The following ZNF626 variants were observed in gnomAD, a reference collection of about 807,000 sequenced individuals.
The protein encoded by ZNF626 is CTC-513N18.7.
In ZNF626, 4 loss-of-function variants were observed where a neutral mutation model predicts 11.7. The ratio of observed to expected loss-of-function variants is 0.34; its 90% confidence interval spans 0.17 to 0.78. ZNF626 has a LOEUF of 0.78. ZNF626 is among the 30% of genes least tolerant of loss of function. ZNF626 has a pLI of 0.57. For synonymous variants in ZNF626, 179 were observed against 198.6 expected (o/e 0.90, Z 0.83); for missense variants, 588 against 587.1 (o/e 1.00, Z -0.01).
chr19:20,627,037 T>A (rs569169919), intron 3 of ZNF626, among the ~76,000 whole-genome samples: 216 of 151,150 alleles, frequency 1.4e-3, no homozygotes, highest in Non-Finnish European at 2.5e-3. Flanking sequence ...ACTAAATAAA[T>A]AAATTTGAAT....
At chr19:20,629,242 C>T (rs1478327411) in intron 3 of ZNF626, among the ~76,000 whole-genome samples, 2 of 149,680 alleles carry the variant, frequency 1.3e-5, no homozygotes, top group Admixed American at 1.3e-4. Flanking sequence ...ATTCTTTTGG[C>T]TTAGGATTGA....
At chr19:20,655,103 CT>C (rs1970190638) in intron 1 of ZNF626, among the ~76,000 whole-genome samples, 1 of 111,362 alleles carries the variant, frequency 9.0e-6, no homozygotes, top group Non-Finnish European at 1.7e-5. Context: ...CAGAGTGAGA[CT>C]GTCTCAAAAA....
rs1969742985 is a variant in ZNF626 at position 20,620,340 on chromosome 19, C to T, written c.*3950G>A. 6.6e-6 allele frequency: 1 copy of T among 151,996 alleles called. No homozygotes were observed. The highest frequency in any genetic ancestry group is 2.4e-5 in the African/African-American group (1 of 41,386). 9.4% of individuals were successfully genotyped at this position (151,996 alleles called of 1,614,324 possible). On this transcript the variant is annotated 3_prime_UTR_variant, in exon 4 of 4. Coordinates refer to ENST00000601440, the MANE Select transcript of ZNF626 (RefSeq NM_001076675.3). ...AATCACCTAAAAACTTATTTTGTTC[C>T]AATAATTGCGTTTTCTTCTGAAAAT...
intron 3 of ZNF626, among the ~76,000 whole-genome samples, chr19:20,627,872 G>A (rs1330332251): frequency 6.6e-6 from 1 of 152,120 alleles, no homozygotes; most frequent in Non-Finnish European, 1.5e-5. Context: ...TTGGTGTGTT[G>A]CACCCATTAA....
At chr19:20,660,910 T>C (rs1473950522) in intron 1 of ZNF626, among the ~76,000 whole-genome samples, 1 of 152,196 alleles carries the variant, frequency 6.6e-6, no homozygotes, top group Non-Finnish European at 1.5e-5. Context: ...TTACAACTTT[T>C]ACAACTTATG....
At chr19:20,651,430 A>T (rs1468066691) in intron 1 of ZNF626, among the ~76,000 whole-genome samples, 1 of 151,828 alleles carries the variant, frequency 6.6e-6, no homozygotes, top group Non-Finnish European at 1.5e-5. Context: ...CGGTCATATG[A>T]AATGGAAGCT....
At chr19:20,635,190 AAC>A (rs1199408309) in intron 3 of ZNF626, among the ~76,000 whole-genome samples, 2 of 152,206 alleles carry the variant, frequency 1.3e-5, no homozygotes, top group African/African-American at 2.4e-5. Context: ...AGAAACAGAA[AAC>A]AGAGTGGTGT....
chr19:20,646,294 T>G lies in ZNF626; in HGVS notation c.115A>C (p.Asn39His). ...TTATCCTCACCAAGGAAGACCAGGTTACTGTAGTTCTCTAACATCACATTC... is the reference window on the plus strand; with the variant it reads ...TTATCCTCACCAAGGAAGACCAGGTGACTGTAGTTCTCTAACATCACATTC... ...YRNVMLENYS[N>H]LVFLGITVSK... Residue 39 changes from asparagine to histidine, a missense_variant, in exon 2 of 4, where the codon AAC (asparagine) becomes CAC (histidine). Coordinates refer to ENST00000601440, the MANE Select transcript of ZNF626 (RefSeq NM_001076675.3). 6.2e-7 allele frequency: 1 copy of G among 1,613,962 alleles called. No individual in the cohort carries two copies. Among genetic ancestry groups the G allele is most frequent in the Non-Finnish European group, 8.5e-7 (1 of 1,179,920 alleles).
chr19:20,633,628 A>C (rs536005561), intron 3 of ZNF626, among the ~76,000 whole-genome samples: 1 of 152,160 alleles, frequency 6.6e-6, no homozygotes. Context: ...CCGTTTTTTA[A>C]GCCCGTTGGA....
At chr19:20,635,920 G>A (rs530523502) in intron 3 of ZNF626, among the ~76,000 whole-genome samples, 1 of 152,216 alleles carries the variant, frequency 6.6e-6, no homozygotes, top group East Asian at 1.9e-4. Flanking sequence ...ACCACCTGAG[G>A]TCAGGAGTTT....
chr19:20,627,480 C>A (rs1969851198), intron 3 of ZNF626, among the ~76,000 whole-genome samples: 1 of 150,924 alleles, frequency 6.6e-6, no homozygotes, highest in Non-Finnish European at 1.5e-5. Context: ...GGAAAAATAC[C>A]AATACAAAAA....
At position 20,648,188 on chromosome 19, in the gene ZNF626, AAAAG is replaced by A. The variant is rs1377542638; in HGVS notation, c.4-1787_4-1784del. 2.1e-4 allele frequency among the ~76,000 whole-genome samples: 32 copies of A among 151,762 alleles called. No individual in the cohort carries two copies. In the South Asian group the frequency reaches 5.4e-3, roughly 26 times the overall value. On this transcript the variant is annotated intron_variant, in intron 1 of 3. Transcript: ENST00000601440. ...CAGACTCCGTGTCAAAAAAAAAAAA[AAAAG>A]AATCATCAGTTGTATACAAACTTTA...
chr19:20,638,092 G>A (rs1969985349), intron 3 of ZNF626, among the ~76,000 whole-genome samples: 1 of 152,088 alleles, frequency 6.6e-6, no homozygotes, highest in African/African-American at 2.4e-5. Flanking sequence ...AGTGAGACAT[G>A]CAAATCAGCC....
rs1969801900 is a variant in ZNF626 at position 20,624,713 on chromosome 19, C to G, written c.1164G>C (p.Lys388Asn). Residue 388 changes from lysine to asparagine, a missense_variant, in exon 4 of 4, where the codon AAG (lysine) becomes AAC (asparagine). Physicochemically the swap from Lys to Asn is moderately conservative, Grantham distance 94. Transcript: ENST00000601440. ...AGGGTTTCTCTCCAGTATGAATTAT[C>G]TTATGCGTAGTAAGGTCTGAAGACC... The part of the protein sequence containing the change: ...FKRSSDLTTH[K>N]IIHTGEKPYK... 4 of 1,609,778 alleles carry G rather than the reference C, an allele frequency of 2.5e-6. No individual in the cohort carries two copies. Among genetic ancestry groups the G allele is most frequent in the Non-Finnish European group, 3.4e-6 (4 of 1,178,102 alleles).
intron 1 of ZNF626, among the ~76,000 whole-genome samples, chr19:20,649,837 G>A (rs1555772364): frequency 6.9e-6 from 1 of 144,130 alleles, no homozygotes. Context: ...GCCCCTTGGC[G>A]CATTAGCATT....
intron 3 of ZNF626, among the ~76,000 whole-genome samples, chr19:20,626,452 C>T (rs1344819851): frequency 2.0e-5 from 3 of 152,204 alleles, no homozygotes; most frequent in Admixed American, 2.0e-4. Flanking sequence ...AGCTTAGTGG[C>T]TCATTCCTGG....
intron 1 of ZNF626, among the ~76,000 whole-genome samples, chr19:20,649,295 A>G (rs1311639540): frequency 6.6e-6 from 1 of 152,196 alleles, no homozygotes; most frequent in African/African-American, 2.4e-5. Context: ...GTCCTTTACA[A>G]CAGAAGACAT....
chr19:20,641,725 AT>A (rs145844530), intron 3 of ZNF626, among the ~76,000 whole-genome samples: 21,928 of 147,520 alleles, frequency 0.15, 1,730 homozygotes, highest in African/African-American at 0.2. Flanking sequence ...ACTCTTATTA[AT>A]TTTTTTTTTT....
At chr19:20,640,411 C>T (rs1274029742) in intron 3 of ZNF626, among the ~76,000 whole-genome samples, 1 of 151,222 alleles carries the variant, frequency 6.6e-6, no homozygotes, top group Non-Finnish European at 1.5e-5. Flanking sequence ...AAAGTTTACA[C>T]TAGACTTCAA....
Sources: gnomAD v4.1 joint callset for allele counts (sites outside exome capture counted in the v4.1 genomes callset) on GRCh38, gnomAD v4.1.1 for gene constraint, MANE v1.5 for transcripts, NCBI Gene and HGNC (gene_info 2026-07-23, HGNC 2026-07-21) for gene names.